Variants in PIK3C2G observed in about 807,000 individuals in gnomAD.
The protein encoded by PIK3C2G is phosphatidylinositol-4-phosphate 3-kinase catalytic subunit type 2 gamma, also known as phosphatidylinositol 3-kinase C2 domain-containing subunit gamma.
PIK3C2G carries 168 observed loss-of-function variants against 181.1 expected under a neutral mutation model. That is an observed-to-expected ratio of 0.93 (90% confidence interval 0.82 to 1.05). The LOEUF is 1.05. PIK3C2G is among the 50% of genes least tolerant of loss of function. The pLI, the probability that PIK3C2G is intolerant of heterozygous loss-of-function variation, is 0.00. For synonymous variants in PIK3C2G, 573 were observed against 592.2 expected, an observed-to-expected ratio of 0.97 and a Z score of 0.47; for missense variants, 1,869 against 1,732.8, an observed-to-expected ratio of 1.08 and a Z score of -1.40.
intron 16 of PIK3C2G, among the ~76,000 whole-genome samples, chr12:18,415,061 T>G (rs1445868194): frequency 6.6e-6 from 1 of 152,258 alleles, no homozygotes; most frequent in African/African-American, 2.4e-5. Context: ...AATTTTCCTT[T>G]TTGACTATAT....
At chr12:18,266,783 TCTC>T (rs1008256305) in intron 1 of PIK3C2G, among the ~76,000 whole-genome samples, 8 of 151,988 alleles carry the variant, frequency 5.3e-5, no homozygotes, top group African/African-American at 1.9e-4. Flanking sequence ...TTTTCTTTCT[TCTC>T]CTCCTTTTTC....
In PIK3C2G at chr12:18,282,208, A is replaced by T; in HGVS notation, c.127A>T (p.Ile43Leu). 6.2e-7 allele frequency: 1 copy of T among 1,613,530 alleles called. No homozygotes were observed. Among genetic ancestry groups the T allele is most frequent in the Non-Finnish European group, 8.5e-7 (1 of 1,179,672 alleles). The change falls in exon 2 of 33, where the codon ATA (isoleucine) becomes TTA (leucine). Residue 43 changes from isoleucine (I) to leucine (L), a missense_variant. Transcript: ENST00000538779. Reference sequence around the variant, plus strand: ...CCAAGTCAGTCTGGGTTTTGATCAGATAGTAGATGAGATCAGTGGCAAAAT... The same window carrying T: ...CCAAGTCAGTCTGGGTTTTGATCAGTTAGTAGATGAGATCAGTGGCAAAAT... ...SSQVSLGFDQ[I>L]VDEISGKIPH...
chr12:18,461,436 T>C (rs1178510176), intron 18 of PIK3C2G, among the ~76,000 whole-genome samples: 1 of 152,172 alleles, frequency 6.6e-6, no homozygotes, highest in Admixed American at 6.5e-5. Flanking sequence ...TCCTTAGTTA[T>C]TTCTTTGGAC....
chr12:18,493,149 G>C (rs2136072281), intron 20 of PIK3C2G: 1 of 152,356 alleles, frequency 6.6e-6, no homozygotes, highest in East Asian at 1.9e-4. Flanking sequence ...TCAACTACTG[G>C]AGAATCCACA....
Position 18,346,769 on chromosome 12 carries a change from G to C in PIK3C2G, c.1558G>C (p.Gly520Arg). Residue 520 changes from glycine to arginine, a missense_variant, in exon 11 of 33, where the codon GGG becomes CGG. Physicochemically the swap from Gly to Arg is moderately radical, Grantham distance 125. Coordinates refer to ENST00000538779, the MANE Select transcript of PIK3C2G (RefSeq NM_001288772.2). ...VPRCTSYLNPGLPSHLSFTVY... is the reference protein window; with the variant it reads ...VPRCTSYLNPRLPSHLSFTVY... ...TAGATGCACTTCCTATCTAAATCCC[G>C]GGCTTCCTTCCCACCTCAGCTTCAC... The C allele has an allele frequency of 6.2e-7, 1 of 1,613,552 alleles. No homozygotes were observed.
At position 18,498,761 on chromosome 12, in the gene PIK3C2G, T is replaced by TG. The variant is rs796555053; in HGVS notation, c.3016+1013_3016+1014insG. 2.5e-4 allele frequency among the ~76,000 whole-genome samples: 38 copies of TG among 152,318 alleles called. No homozygotes were observed. The East Asian group carries it at 6.4e-3, about 26-fold the overall frequency. On this transcript the variant is annotated intron_variant, in intron 22 of 32. Coordinates refer to ENST00000538779, the MANE Select transcript of PIK3C2G (RefSeq NM_001288772.2). ...ACTTAATACCTTACAATGACTGCAT[T>TG]ACAGTCGTACTAGCCAATTGATTTG...
At chr12:18,648,960 G>A (rs1242106510), downstream of PIK3C2G, among the ~76,000 whole-genome samples, 2 of 151,960 alleles carry the variant, frequency 1.3e-5, no homozygotes, top group African/African-American at 4.8e-5. Flanking sequence ...AAAAATCTAA[G>A]CTTTTTCCCA....
rs1197967804 is a variant in PIK3C2G, at chr12:18,496,092, C to T, written c.2824C>T (p.Pro942Ser). 2.6e-6 allele frequency: 4 copies of T among 1,536,064 alleles called. No homozygotes were observed. Among genetic ancestry groups the T allele is most frequent in the African/African-American group, 1.4e-5 (1 of 72,316 alleles). ...TTCATATTTTACATCTAATGCTTTG[C>T]CATTGAAGATTACTTTCATCAATGC... ...ACSYFTSNAL[P>S]LKITFINANP... Residue 942 changes from proline to serine, a missense_variant, in exon 21 of 33, where the codon CCA becomes TCA. Physicochemically the swap from Pro to Ser is moderately conservative, Grantham distance 74 (BLOSUM62 -1). Coordinates refer to ENST00000538779, the MANE Select transcript of PIK3C2G (RefSeq NM_001288772.2).
intron 29 of PIK3C2G, among the ~76,000 whole-genome samples, chr12:18,584,068 G>A (rs1000572264): frequency 9.3e-5 from 14 of 150,068 alleles, no homozygotes; most frequent in South Asian, 4.2e-4. Flanking sequence ...TCGCTCTGTC[G>A]CCCAGGCTGG....
At chr12:18,455,977 T>A (rs146875545) in intron 18 of PIK3C2G, among the ~76,000 whole-genome samples, 1 of 152,240 alleles carries the variant, frequency 6.6e-6, no homozygotes, top group Non-Finnish European at 1.5e-5. Flanking sequence ...TTCTACTTGT[T>A]TTCTTTACCA....
At chr12:18,252,314 C>CT (rs1253181039) in intron 1 of PIK3C2G, among the ~76,000 whole-genome samples, 7 of 152,124 alleles carry the variant, frequency 4.6e-5, no homozygotes, top group Admixed American at 4.6e-4. Context: ...AGTATATTCT[C>CT]TGTCAGACAA....
At chr12:18,262,571 A>G (rs1274164538) in intron 1 of PIK3C2G, among the ~76,000 whole-genome samples, 1 of 151,908 alleles carries the variant, frequency 6.6e-6, no homozygotes, top group Non-Finnish European at 1.5e-5. Context: ...TGAGCATAAG[A>G]AAATAGTGAG....
chr12:18,519,181 T>C (rs1257620183), intron 24 of PIK3C2G, among the ~76,000 whole-genome samples: 1 of 152,228 alleles, frequency 6.6e-6, no homozygotes, highest in Non-Finnish European at 1.5e-5. Flanking sequence ...GTAAGTGCCA[T>C]GTGGCACTGA....
At chr12:18,372,357 TACA>T (rs1942127181) in intron 13 of PIK3C2G, among the ~76,000 whole-genome samples, 2 of 152,254 alleles carry the variant, frequency 1.3e-5, no homozygotes, top group South Asian at 4.1e-4. Context: ...AGGCAATCAA[TACA>T]AGTTTGTTTA....
At chr12:18,418,135 T>G (rs1945284583) in intron 16 of PIK3C2G, among the ~76,000 whole-genome samples, 1 of 152,176 alleles carries the variant, frequency 6.6e-6, no homozygotes, top group Non-Finnish European at 1.5e-5. Flanking sequence ...TTCAGTTGAA[T>G]TAGTCAGTAG....
At chr12:18,605,132 G>T (rs955068551) in intron 30 of PIK3C2G, among the ~76,000 whole-genome samples, 3 of 152,100 alleles carry the variant, frequency 2.0e-5, no homozygotes, top group Non-Finnish European at 4.4e-5. Flanking sequence ...AAAATTGATA[G>T]ACCATTAGCA....
intron 25 of PIK3C2G, 60 bp from the exon 26 acceptor site, chr12:18,546,263 T>G: frequency 2.0e-6 from 2 of 1,010,326 alleles, no homozygotes; most frequent in Non-Finnish European, 3.0e-6. Context: ...CAAGTAAGCT[T>G]GATTGTATCT....
chr12:18,594,642 T>A lies in PIK3C2G; in HGVS notation c.4087+73T>A, dbSNP rs963490570. The A allele has an allele frequency of 1.0e-4, 77 of 749,366 alleles. No individual in the cohort carries two copies. In the African/African-American group the frequency reaches 1.1e-3, roughly 11 times the overall value. 46.4% of individuals were successfully genotyped at this position (749,366 alleles called of 1,614,324 possible). A position where few individuals can be genotyped will look rare whatever the true frequency, so the allele number is the denominator to read the frequency against. ...TGGACAAAAAGATATCACAACTAATTTTTTTCAATTTTTCAATTAAAATCT... is the reference window on the plus strand; with the variant it reads ...TGGACAAAAAGATATCACAACTAATATTTTTCAATTTTTCAATTAAAATCT... On this transcript the variant is annotated intron_variant, in intron 30 of 32. Coordinates refer to ENST00000538779, the MANE Select transcript of PIK3C2G (RefSeq NM_001288772.2).
chr12:18,326,273 T>C (rs536611202), intron 8 of PIK3C2G, among the ~76,000 whole-genome samples: 1 of 152,296 alleles, frequency 6.6e-6, no homozygotes, highest in South Asian at 2.1e-4. Context: ...AGATTATTTC[T>C]TACAGCTTCT....
Sources: gnomAD v4.1 joint callset for allele counts (sites outside exome capture counted in the v4.1 genomes callset) on GRCh38, gnomAD v4.1.1 for gene constraint, MANE v1.5 for transcripts, NCBI Gene and HGNC (gene_info 2026-07-23, HGNC 2026-07-21) for gene names.